Variants in RPS6KA5 observed in about 807,000 individuals in gnomAD.
RPS6KA5 encodes ribosomal protein S6 kinase alpha-5.
Under a neutral mutation model 85.5 loss-of-function variants are expected in RPS6KA5, and 27 were observed. The observed-to-expected ratio is 0.32, with a 90% CI of 0.23 to 0.44. RPS6KA5 has a LOEUF of 0.44. Ranked by LOEUF, RPS6KA5 falls within the 20% of genes least tolerant of loss-of-function variation. RPS6KA5 has a pLI of 1.00. For missense variants in RPS6KA5, 811 were observed against 980.9 expected (o/e 0.83, Z 2.31); for synonymous variants, 334 against 348.2 (o/e 0.96, Z 0.46).
intron 1 of RPS6KA5, among the ~76,000 whole-genome samples, chr14:91,024,518 T>C (rs2041914920): frequency 6.6e-6 from 1 of 152,246 alleles, no homozygotes; most frequent in South Asian, 2.1e-4. Flanking sequence ...GTATAAAAAG[T>C]CACTAACAGT....
Position 90,861,544 on chromosome 14 carries a change from A to G in RPS6KA5, c.*10530T>C, listed in dbSNP as rs1196064745. 1 of 151,722 alleles carries G rather than the reference A, an allele frequency of 6.6e-6. No individual in the cohort carries two copies. The highest frequency in any genetic ancestry group is 2.4e-5 in the African/African-American group (1 of 41,308). 9.4% of individuals were successfully genotyped at this position (151,722 alleles called of 1,614,324 possible). ...CTCAAAAAAAAAAAAATAATGTCTT[A>G]TGAAGTCTAAAACACATATATAGAG... On this transcript the variant is annotated 3_prime_UTR_variant, in exon 17 of 17. Coordinates refer to ENST00000614987, the MANE Select transcript of RPS6KA5 (RefSeq NM_004755.4).
intron 5 of RPS6KA5, among the ~76,000 whole-genome samples, chr14:90,929,227 G>T (rs990052590): frequency 1.3e-5 from 2 of 151,732 alleles, no homozygotes; most frequent in Non-Finnish European, 2.9e-5. Flanking sequence ...CATAAAACTT[G>T]GTAGACAAAT....
chr14:91,038,235 T>A (rs117258155), intron 1 of RPS6KA5, among the ~76,000 whole-genome samples: 2,342 of 152,270 alleles, frequency 0.015, 19 homozygotes, highest in Non-Finnish European at 0.023. Flanking sequence ...TCTTCCCATG[T>A]TAGGGTCAGA....
At chr14:90,919,261 G>A (rs2140287001) in intron 7 of RPS6KA5, among the ~76,000 whole-genome samples, 1 of 152,196 alleles carries the variant, frequency 6.6e-6, no homozygotes, top group East Asian at 1.9e-4. Flanking sequence ...CAGTAAGCTG[G>A]GGCAATCATA....
chr14:90,873,885 T>A (rs964017476), intron 15 of RPS6KA5, 90 bp from the exon 16 acceptor site: 2 of 1,127,216 alleles, frequency 1.8e-6, no homozygotes, highest in African/African-American at 3.1e-5. Context: ...TATGTTCACA[T>A]GACATAATGG....
Position 91,010,813 on chromosome 14 carries a change from G to A in RPS6KA5, c.104-9654C>T, listed in dbSNP as rs1159391733. Among the ~76,000 whole-genome samples, 4 of 152,304 alleles carry A rather than the reference G, an allele frequency of 2.6e-5. No homozygotes were observed. The East Asian group carries it at 7.7e-4, about 29-fold the overall frequency. ...AAGGCTAGAAAAAGTAGAGATGGGA[G>A]GGTGGTTCCTAAGGGAGCAGGTTCT... is the stretch of plus-strand genomic sequence containing the variant. On this transcript the variant is annotated intron_variant, in intron 1 of 16. Coordinates refer to ENST00000614987, the MANE Select transcript of RPS6KA5 (RefSeq NM_004755.4).
At chr14:90,924,016 G>A (rs60693708) in intron 5 of RPS6KA5, among the ~76,000 whole-genome samples, 32,501 of 151,902 alleles carry the variant, frequency 0.21, 3,853 homozygotes, top group East Asian at 0.42. Flanking sequence ...AGTAATTTTT[G>A]GCCTCTCTTA....
intron 4 of RPS6KA5, among the ~76,000 whole-genome samples, chr14:90,945,691 T>G (rs1183702410): frequency 6.6e-6 from 1 of 152,246 alleles, no homozygotes; most frequent in Non-Finnish European, 1.5e-5. Flanking sequence ...CTTCTGTGTT[T>G]GACAATCAGC....
At chr14:91,004,143 T>A (rs1215861647) in intron 1 of RPS6KA5, among the ~76,000 whole-genome samples, 1 of 152,234 alleles carries the variant, frequency 6.6e-6, no homozygotes, top group African/African-American at 2.4e-5. Context: ...TGGAGTGCAG[T>A]GGCGCGATCT....
At chr14:90,981,555 C>T (rs1000547032) in intron 2 of RPS6KA5, among the ~76,000 whole-genome samples, 63 of 152,152 alleles carry the variant, frequency 4.1e-4, no homozygotes, top group African/African-American at 1.4e-3. Flanking sequence ...TCTATATGGT[C>T]AAATAATACG....
intron 8 of RPS6KA5, among the ~76,000 whole-genome samples, chr14:90,904,192 G>T (rs775580346): frequency 6.6e-6 from 1 of 152,074 alleles, no homozygotes; most frequent in Non-Finnish European, 1.5e-5. Flanking sequence ...CTAGTGATCC[G>T]CCCACCTTGG....
Position 90,894,565 on chromosome 14 carries a change from T to C in RPS6KA5, c.1492A>G (p.Met498Val), listed in dbSNP as rs1262890443. ...FHDQLHTFLV[M>V]ELLNGGELFE... is the part of the protein sequence containing the mutation. The stretch of plus-strand genomic sequence containing the variant: ...AGTTCTCCTCCATTCAGAAGTTCCA[T>C]CACTAGAAACGTGTGAAGCTAGAAA... Residue 498 changes from methionine (M) to valine (V), a missense_variant, in exon 13 of 17, where the codon ATG becomes GTG. This residue lies in a region of RPS6KA5 where 650 missense variants were observed against 793.4 expected (regional missense o/e 0.82). Transcript: ENST00000614987. The C allele has an allele frequency of 6.2e-7, 1 of 1,614,010 alleles. No homozygotes were observed. Among genetic ancestry groups the C allele is most frequent in the Non-Finnish European group, 8.5e-7 (1 of 1,180,006 alleles).
chr14:90,977,852 C>T (rs146062877), intron 3 of RPS6KA5, among the ~76,000 whole-genome samples: 102 of 152,228 alleles, frequency 6.7e-4, no homozygotes, highest in Middle Eastern at 3.4e-3. Flanking sequence ...GTCTGGAGTT[C>T]GAGAGCAGGC....
intron 14 of RPS6KA5, among the ~76,000 whole-genome samples, chr14:90,881,558 T>C (rs2033839735): frequency 6.6e-6 from 1 of 152,074 alleles, no homozygotes. Flanking sequence ...CAGAGTGCAA[T>C]GGCACAATGT....
At chr14:91,059,522 T>G (rs557994235) in intron 1 of RPS6KA5, among the ~76,000 whole-genome samples, 1 of 152,228 alleles carries the variant, frequency 6.6e-6, no homozygotes, top group Non-Finnish European at 1.5e-5. Context: ...ATTGTACTGA[T>G]TGGTCTGAAT....
intron 7 of RPS6KA5, among the ~76,000 whole-genome samples, chr14:90,917,741 T>TTTA (rs1555362227): frequency 3.1e-4 from 47 of 151,860 alleles, no homozygotes; most frequent in Middle Eastern, 3.4e-3. Context: ...TCCTTTTTTT[T>TTTA]AAAAGAGATA....
rs1253958330 is a variant in RPS6KA5 at position 90,863,773 on chromosome 14, GC to G, written c.*8300del. On this transcript the variant is annotated 3_prime_UTR_variant, in exon 17 of 17. Transcript: ENST00000614987. ...AAATAGAGGGATATACCATGTCCAT[GC>G]ATTGGAAAACTCAAAATTGGTAAGA... The G allele has an allele frequency of 6.6e-6, 1 of 152,160 alleles. No homozygotes were observed. The highest frequency in any genetic ancestry group is 1.5e-5 in the Non-Finnish European group (1 of 68,032). The allele number at this position is 152,160 out of a possible 1,614,324, so 9.4% of individuals were successfully genotyped here.
chr14:90,913,673 T>C (rs1414031043), intron 7 of RPS6KA5, among the ~76,000 whole-genome samples: 2 of 152,244 alleles, frequency 1.3e-5, no homozygotes, highest in Admixed American at 6.5e-5. Flanking sequence ...CACTTTTTTT[T>C]CTGTAGCCCA....
chr14:90,903,037 G>A, intron 8 of RPS6KA5, 68 bp from the exon 9 acceptor site: 1 of 1,357,010 alleles, frequency 7.4e-7, no homozygotes. Context: ...GAATAACAAA[G>A]ATAAATTAGG....
Sources: allele counts gnomAD v4.1 joint callset (sites outside exome capture counted in the v4.1 genomes callset), GRCh38; gene constraint gnomAD v4.1.1; regional missense constraint gnomAD v4.1.1; transcripts MANE v1.5; gene names NCBI Gene and HGNC (gene_info 2026-07-23, HGNC 2026-07-21).